The following UNC13C variants were observed in gnomAD, a reference collection of about 807,000 sequenced individuals.
The protein encoded by UNC13C is protein unc-13 homolog C.
UNC13C carries 174 observed loss-of-function variants against 245.4 expected under a neutral mutation model. The ratio of observed to expected loss-of-function variants is 0.71; its 90% CI spans 0.63 to 0.80. UNC13C has a LOEUF of 0.80. UNC13C is among the 30% of genes least tolerant of loss of function. UNC13C has a pLI of 0.00. For synonymous variants in UNC13C, 992 were observed against 895.1 expected, an observed-to-expected ratio of 1.11 and a Z score of -1.93; for missense variants, 2,829 against 2,602.9, an observed-to-expected ratio of 1.09 and a Z score of -1.89.
intron 2 of UNC13C, among the ~76,000 whole-genome samples, chr15:54,039,067 T>C (rs1308861852): frequency 1.3e-5 from 2 of 152,204 alleles, no homozygotes; most frequent in Non-Finnish European, 2.9e-5. Flanking sequence ...TTATAATTGC[T>C]ATAGCAACAG....
intron 2 of UNC13C, among the ~76,000 whole-genome samples, chr15:54,075,302 G>A (rs1003691827): frequency 9.9e-5 from 15 of 151,900 alleles, no homozygotes; most frequent in African/African-American, 3.4e-4. Context: ...TGGCTAACAC[G>A]GCGAAACACC....
At chr15:54,541,919 T>C (rs1896263865) in intron 26 of UNC13C, among the ~76,000 whole-genome samples, 2 of 152,044 alleles carry the variant, frequency 1.3e-5, no homozygotes, top group South Asian at 4.1e-4. Flanking sequence ...AAAATGTATT[T>C]CCTTGGTGTT....
intron 19 of UNC13C, among the ~76,000 whole-genome samples, chr15:54,455,239 G>GAAC (rs1567289288): frequency 1.7e-5 from 1 of 57,670 alleles, no homozygotes; most frequent in East Asian, 5.6e-4. Context: ...ATATATATAT[G>GAAC]TTTTTTAATC....
intron 19 of UNC13C, among the ~76,000 whole-genome samples, chr15:54,440,349 C>T (rs2140988992): frequency 6.6e-6 from 1 of 152,102 alleles, no homozygotes; most frequent in East Asian, 1.9e-4. Flanking sequence ...CAAACAAATA[C>T]TCTCTAATGC....
intron 8 of UNC13C, among the ~76,000 whole-genome samples, chr15:54,261,522 G>GT (rs1555439906): frequency 2.7e-5 from 4 of 150,680 alleles, no homozygotes; most frequent in South Asian, 2.1e-4. Context: ...ATTTTTGTTT[G>GT]TTTGTTTTGT....
chr15:54,546,844 C>T lies in UNC13C; in HGVS notation c.5819C>T (p.Thr1940Ile). ...GTTCTTCCTCCTCTGACAGATCAAACAGTAAGTATATAAAGTTTAGTTATG... is the reference window on the plus strand; with the variant it reads ...GTTCTTCCTCCTCTGACAGATCAAATAGTAAGTATATAAAGTTTAGTTATG... ...QIVLPPLTDQ[T>I]GPQMIFIAAK... is the part of the protein sequence containing the mutation. The change falls in exon 27 of 33, where the codon ACA (threonine) becomes ATA (isoleucine). Residue 1940 changes from threonine (T) to isoleucine (I), a missense_variant and splice_region_variant. Physicochemically the swap from Thr to Ile is moderately conservative, Grantham distance 89. Transcript: ENST00000260323. 1 of 1,574,392 alleles carries T rather than the reference C, an allele frequency of 6.4e-7. No homozygotes were observed. The highest frequency in any genetic ancestry group is 1.2e-5 in the South Asian group (1 of 83,656).
chr15:54,462,465 A>G (rs1891898212), intron 19 of UNC13C, among the ~76,000 whole-genome samples: 1 of 151,952 alleles, frequency 6.6e-6, no homozygotes, highest in Non-Finnish European at 1.5e-5. Flanking sequence ...GGAGAGGTGC[A>G]GGCCGGAACC....
At chr15:54,046,580 T>C (rs1368911236) in intron 2 of UNC13C, among the ~76,000 whole-genome samples, 3 of 152,120 alleles carry the variant, frequency 2.0e-5, no homozygotes, top group African/African-American at 7.2e-5. Context: ...GGTTTTTTCC[T>C]TCAAACTTTA....
intron 29 of UNC13C, among the ~76,000 whole-genome samples, chr15:54,560,349 GAA>G (rs1171360428): frequency 6.6e-6 from 1 of 151,760 alleles, no homozygotes; most frequent in Non-Finnish European, 1.5e-5. Flanking sequence ...AGAGTTAGAA[GAA>G]TTCAGAGAGT....
At chr15:54,082,436 C>G (rs34490963) in intron 2 of UNC13C, among the ~76,000 whole-genome samples, 30,146 of 152,054 alleles carry the variant, frequency 0.2, 3,143 homozygotes, top group Admixed American at 0.29. Flanking sequence ...TTACATAGCC[C>G]CATGTTTCTT....
At chr15:53,976,570 C>A (rs1252511109), upstream of UNC13C, among the ~76,000 whole-genome samples, 1 of 145,028 alleles carries the variant, frequency 6.9e-6, no homozygotes, top group Non-Finnish European at 1.5e-5. Flanking sequence ...CTTCCAGGTT[C>A]AAGTGATTCT....
chr15:54,629,503 A>T (rs1901398702), downstream of UNC13C: 1 of 152,168 alleles, frequency 6.6e-6, no homozygotes, highest in Non-Finnish European at 1.5e-5. Flanking sequence ...AAACCACTGT[A>T]TATTGTAATG....
At chr15:54,027,097 A>G (rs978223218) in intron 2 of UNC13C, among the ~76,000 whole-genome samples, 7 of 151,896 alleles carry the variant, frequency 4.6e-5, no homozygotes, top group African/African-American at 7.3e-5. Context: ...AAAGGAAAAG[A>G]TCCCCTCAGG....
chr15:54,417,921 ATGTT>A (rs150006297), intron 19 of UNC13C, among the ~76,000 whole-genome samples: 7,624 of 151,888 alleles, frequency 0.05, 321 homozygotes, highest in Admixed American at 0.12. Context: ...TGTTTTATGT[ATGTT>A]TGTTTGTTTG....
intron 30 of UNC13C, among the ~76,000 whole-genome samples, chr15:54,602,617 T>C (rs918602008): frequency 2.0e-5 from 3 of 152,194 alleles, no homozygotes; most frequent in Admixed American, 2.0e-4. Flanking sequence ...TATTTTAACC[T>C]TTATTGTAAC....
chr15:54,594,839 G>A (rs548458865), intron 30 of UNC13C, among the ~76,000 whole-genome samples: 25 of 152,302 alleles, frequency 1.6e-4, no homozygotes, highest in South Asian at 2.1e-4. Flanking sequence ...TGGGTACCCC[G>A]AGTCCAGAAG....
chr15:54,245,190 T>G (rs58333885), intron 7 of UNC13C, among the ~76,000 whole-genome samples: 3,857 of 152,254 alleles, frequency 0.025, 159 homozygotes, highest in African/African-American at 0.088. Context: ...CATACCACTC[T>G]CATCACTTGT....
At chr15:54,280,554 A>T (rs920412674) in intron 10 of UNC13C, among the ~76,000 whole-genome samples, 1 of 150,752 alleles carries the variant, frequency 6.6e-6, no homozygotes, top group Admixed American at 6.6e-5. Flanking sequence ...TTGATAGAGG[A>T]GAGTTCCATA....
At chr15:54,408,198 T>A (rs2040341581) in intron 18 of UNC13C, among the ~76,000 whole-genome samples, 1 of 7,396 alleles carries the variant, frequency 1.4e-4, no homozygotes, top group South Asian at 3.4e-3. Flanking sequence ...AGACTCTGCC[T>A]CAAAAAAAAA....
Sources: allele counts gnomAD v4.1 joint callset (sites outside exome capture counted in the v4.1 genomes callset), GRCh38; gene constraint gnomAD v4.1.1; transcripts MANE v1.5; gene names NCBI Gene and HGNC (gene_info 2026-07-23, HGNC 2026-07-21).